PCDHGB4: variants seen among roughly 807,000 people sequenced by gnomAD.
PCDHGB4 encodes protocadherin gamma-B4.
PCDHGB4 carries 38 observed loss-of-function variants against 60.5 expected under a neutral mutation model. The observed-to-expected ratio is 0.63, with a 90% CI of 0.48 to 0.82. The LOEUF (loss-of-function observed/expected upper bound fraction) is 0.82, where lower values mean the gene tolerates loss of function less well. Ranked by LOEUF, PCDHGB4 falls within the 40% of genes least tolerant of loss-of-function variation. The probability of loss-of-function intolerance (pLI) is 0.00; values close to 1 mark genes in which losing one functional copy is unlikely to be tolerated. For missense variants in PCDHGB4, 1,109 were observed against 1,209.6 expected (o/e 0.92, Z 1.23); for synonymous variants, 456 against 509.7 (o/e 0.89, Z 1.42).
chr5:141,503,377 A>G lies in PCDHGB4; in HGVS notation c.2457-2016A>G, dbSNP rs534841057. Among the ~76,000 whole-genome samples, 4 of 152,142 alleles carry G rather than the reference A, an allele frequency of 2.6e-5. No homozygotes were observed. In the East Asian group the frequency reaches 7.8e-4, roughly 30 times the overall value. The stretch of plus-strand genomic sequence containing the variant: ...TTTGGGAAGCGGAGGCAGGTGGATC[A>G]TGAGGTCAGGAGTTCGAAACCAACC... On this transcript the variant is annotated intron_variant, in intron 2 of 3. Coordinates refer to ENST00000519479, the MANE Select transcript of PCDHGB4 (RefSeq NM_003736.4).
chr5:141,492,050 C>CT, intron 1 of PCDHGB4: 1 of 501,102 alleles, frequency 2.0e-6, no homozygotes, highest in Non-Finnish European at 3.5e-6. Flanking sequence ...AGATCCACCC[C>CT]TGCAGCCAGC....
intron 1 of PCDHGB4, chr5:141,430,959 T>A: frequency 6.2e-7 from 1 of 1,612,026 alleles, no homozygotes; most frequent in Non-Finnish European, 8.5e-7. Flanking sequence ...GTCCGCATCA[T>A]CCCCAGAGGT....
chr5:141,418,247 G>T, intron 1 of PCDHGB4: 1 of 1,614,032 alleles, frequency 6.2e-7, no homozygotes, highest in Non-Finnish European at 8.5e-7. Context: ...TAATGACCAC[G>T]CCCCTCAATT....
intron 1 of PCDHGB4, among the ~76,000 whole-genome samples, chr5:141,407,567 A>T (rs554405122): frequency 7.0e-4 from 107 of 152,170 alleles, no homozygotes; most frequent in African/African-American, 2.5e-3. Context: ...AAGCTGAAAG[A>T]TAAAATTCTT....
chr5:141,487,455 A>G lies in PCDHGB4; in HGVS notation c.2398-7352A>G, dbSNP rs751456631. 6.2e-7 allele frequency: 1 copy of G among 1,614,122 alleles called. No individual in the cohort carries two copies. The highest frequency in any genetic ancestry group is 8.5e-7 in the Non-Finnish European group (1 of 1,180,032). On this transcript the variant is annotated intron_variant, in intron 1 of 3. Coordinates refer to ENST00000519479, the MANE Select transcript of PCDHGB4 (RefSeq NM_003736.4). The surrounding 1 kb of genome is among the most constrained non-coding windows in gnomAD (Gnocchi z 5.0). ...CAGCTAGGGTCAGATGACCCTATCA[A>G]GTTTGTTGATGTGGGAGGCCACTCT...
In PCDHGB4 at chr5:141,490,410, T is replaced by C. The variant is rs2099699827; in HGVS notation, c.2398-4397T>C. ...ATGGTGAAGTGAGCCTTGATATCTC[T>C]CCGGACCTGCCATTTCAGATTAAGC... On this transcript the variant is annotated intron_variant, in intron 1 of 3. Coordinates refer to ENST00000519479, the MANE Select transcript of PCDHGB4 (RefSeq NM_003736.4). The surrounding 1 kb of genome is among the most constrained non-coding windows in gnomAD (Gnocchi z 5.4). 1 of 1,614,172 alleles carries C rather than the reference T, an allele frequency of 6.2e-7. No individual in the cohort carries two copies. Among genetic ancestry groups the C allele is most frequent in the Non-Finnish European group, 8.5e-7 (1 of 1,180,042 alleles).
chr5:141,389,310 G>A lies in PCDHGB4; in HGVS notation c.1426G>A (p.Asp476Asn). ...GASISQVRASDPDLGPNGQVS... is the reference protein window; with the variant it reads ...GASISQVRASNPDLGPNGQVS... ...CTCTATTTCACAAGTCAGGGCTTCT[G>A]ATCCGGACTTGGGGCCCAACGGCCA... The change falls in exon 1 of 4, where the codon GAT becomes AAT. Residue 476 changes from aspartate (D) to asparagine (N), a missense_variant. By Grantham distance (23) the Asp-to-Asn change is conservative (BLOSUM62 1). Transcript: ENST00000519479. 6.2e-7 allele frequency: 1 copy of A among 1,614,018 alleles called. No individual in the cohort carries two copies. Among genetic ancestry groups the A allele is most frequent in the Non-Finnish European group, 8.5e-7 (1 of 1,179,904 alleles).
chr5:141,430,580 G>A, intron 1 of PCDHGB4: 1 of 478,526 alleles, frequency 2.1e-6, no homozygotes, highest in Admixed American at 3.8e-5. Context: ...CGGAGATCCT[G>A]CTCGCCTTGC....
At chr5:141,488,359 T>A (rs1262194591) in intron 1 of PCDHGB4, among the ~76,000 whole-genome samples, 1 of 152,198 alleles carries the variant, frequency 6.6e-6, no homozygotes, top group Non-Finnish European at 1.5e-5. Context: ...ACCCTGTGCA[T>A]CTTTAAGTTG....
At chr5:141,421,565 A>G (rs1373619696) in intron 1 of PCDHGB4, 1 of 1,613,952 alleles carries the variant, frequency 6.2e-7, no homozygotes, top group Admixed American at 1.7e-5. Context: ...CTCGTGGAAG[A>G]CACCTTGAAG....
rs561053469 is a variant in PCDHGB4 at position 141,389,531 on chromosome 5, A to G, written c.1647A>G (p.Leu549=). The G allele has an allele frequency of 5.0e-6, 8 of 1,613,210 alleles. No individual in the cohort carries two copies. In the East Asian group the frequency reaches 6.7e-5, roughly 13 times the overall value. Residue 549 remains leucine (L), a synonymous_variant, in exon 1 of 4, where the codon TTA becomes TTG. Transcript: ENST00000519479. ...GCGCGAACGTGAGCCTGCGCGTGTT[A>G]GTGGACGACCGCAACGACAATGCGC... ...ALSANVSLRV[L]VDDRNDNAPR... is the part of the protein sequence containing the mutation.
At chr5:141,421,748 G>A (rs763166274) in intron 1 of PCDHGB4, 4 of 1,613,944 alleles carry the variant, frequency 2.5e-6, no homozygotes, top group South Asian at 2.2e-5. Context: ...TACCAGCTCA[G>A]CCCTAATAAT....
intron 1 of PCDHGB4, chr5:141,398,587 C>A (rs2093675414): frequency 6.2e-7 from 1 of 1,613,860 alleles, no homozygotes. Flanking sequence ...AAGATTTATA[C>A]TAGAAGTAGC....
chr5:141,511,598 A>C lies in PCDHGB4; in HGVS notation c.*425A>C. ...GGTTGGGGTGTTGAAGTACCAAGTA[A>C]CCTACAAGCCTCCTAGTTCTGAAAA... On this transcript the variant is annotated 3_prime_UTR_variant, in exon 4 of 4. Transcript: ENST00000519479. 3.9e-6 allele frequency: 1 copy of C among 255,742 alleles called. No individual in the cohort carries two copies. The highest frequency in any genetic ancestry group is 7.8e-6 in the Non-Finnish European group (1 of 127,952). The allele number at this position is 255,742 out of a possible 1,614,324, so 15.8% of individuals were successfully genotyped here.
In PCDHGB4 at chr5:141,431,777, G is replaced by C. The variant is rs151011884; in HGVS notation, c.2397+41496G>C. 1.2e-6 allele frequency: 2 copies of C among 1,614,188 alleles called. No individual in the cohort carries two copies. The highest frequency in any genetic ancestry group is 4.5e-5 in the East Asian group (2 of 44,870). ...CAAAGTCCTGATCACTGTTCTGGAC[G>C]TGAACGACAATGCCCCAGAAGTGGT... On this transcript the variant is annotated intron_variant, in intron 1 of 3. Coordinates refer to ENST00000519479, the MANE Select transcript of PCDHGB4 (RefSeq NM_003736.4). The surrounding 1 kb of genome is among the most constrained non-coding windows in gnomAD (Gnocchi z 4.8).
At position 141,389,864 on chromosome 5, in the gene PCDHGB4, G is replaced by A; in HGVS notation, c.1980G>A (p.Leu660=). The A allele has an allele frequency of 6.2e-7, 1 of 1,614,058 alleles. No individual in the cohort carries two copies. The highest frequency in any genetic ancestry group is 8.5e-7 in the Non-Finnish European group (1 of 1,179,898). ...TCTCGGCCACTGCCACGTTGCACCTGGTCTTCGCCGACAGCTTGCAGGAGG... is the reference window on the plus strand; with the variant it reads ...TCTCGGCCACTGCCACGTTGCACCTAGTCTTCGCCGACAGCTTGCAGGAGG... ...PPLSATATLH[L]VFADSLQEVL... The change falls in exon 1 of 4, where the codon CTG becomes CTA. Residue 660 remains leucine (L), a synonymous_variant. Transcript: ENST00000519479.
At position 141,431,645 on chromosome 5, in the gene PCDHGB4, T is replaced by G. The variant is rs2097404203; in HGVS notation, c.2397+41364T>G. ...GGCGGCCCAAGTTTTCAAACTAGAT[T>G]GTAATTCAGGGACAATATCAACAAT... On this transcript the variant is annotated intron_variant, in intron 1 of 3. Coordinates refer to ENST00000519479, the MANE Select transcript of PCDHGB4 (RefSeq NM_003736.4). This position sits in a 1 kb window ranked among gnomAD's most constrained non-coding sequence, Gnocchi z 4.8. The G allele has an allele frequency of 2.5e-6, 4 of 1,614,236 alleles. No homozygotes were observed. Among genetic ancestry groups the G allele is most frequent in the Non-Finnish European group, 3.4e-6 (4 of 1,180,044 alleles).
At chr5:141,414,435 C>G (rs891322256) in intron 1 of PCDHGB4, 2 of 1,613,678 alleles carry the variant, frequency 1.2e-6, no homozygotes, top group African/African-American at 1.3e-5. Context: ...AACAGGTATC[C>G]TCTTACAATA....
In PCDHGB4 at chr5:141,404,506, C is replaced by T. The variant is rs530963064; in HGVS notation, c.2397+14225C>T. The stretch of plus-strand genomic sequence containing the variant: ...ACACTGGTGTGCTGTATGCTCTGTG[C>T]TCCTTTGACTATGAGCAGTTTAGAG... On this transcript the variant is annotated intron_variant, in intron 1 of 3. Coordinates refer to ENST00000519479, the MANE Select transcript of PCDHGB4 (RefSeq NM_003736.4). 540 of 1,613,932 alleles carry T rather than the reference C, an allele frequency of 3.3e-4. 6 individuals are homozygous for T. In the South Asian group the frequency reaches 5.6e-3, roughly 17 times the overall value.
Sources: allele counts gnomAD v4.1 joint callset (sites outside exome capture counted in the v4.1 genomes callset), GRCh38; gene constraint gnomAD v4.1.1; non-coding constraint Gnocchi (gnomAD v3.1); transcripts MANE v1.5; gene names NCBI Gene and HGNC (gene_info 2026-07-23, HGNC 2026-07-21).